ZFYVE28: variants seen among roughly 807,000 people sequenced by gnomAD.
ZFYVE28 encodes lateral signaling target protein 2 homolog.
In ZFYVE28, 40 loss-of-function variants were observed where a neutral mutation model predicts 82.1. The observed-to-expected ratio is 0.49, with a 90% CI of 0.38 to 0.63. The LOEUF is 0.63. Ranked by LOEUF, ZFYVE28 falls within the 30% of genes least tolerant of loss-of-function variation. ZFYVE28 has a pLI of 0.00. For synonymous variants in ZFYVE28, 612 were observed against 546.1 expected (o/e 1.12, Z -1.68); for missense variants, 1,321 against 1,242.1 (o/e 1.06, Z -0.96).
Position 2,391,556 on chromosome 4 carries a change from C to G in ZFYVE28, c.39+26729G>C, listed in dbSNP as rs140170577. On this transcript the variant is annotated intron_variant, in intron 1 of 12. Coordinates refer to ENST00000290974, the MANE Select transcript of ZFYVE28 (RefSeq NM_020972.3). ...TACAGCTCAGTGGCATAAGCACATT[C>G]ACACTGTTGTACCACCATCCCCACC... 8.1e-3 allele frequency among the ~76,000 whole-genome samples: 1,178 copies of G among 145,978 alleles called. 11 individuals carry two copies. The highest frequency in any genetic ancestry group is 0.028 in the African/African-American group (1,100 of 39,380).
chr4:2,318,208 T>C (rs1224156530), intron 7 of ZFYVE28, among the ~76,000 whole-genome samples: 4 of 152,154 alleles, frequency 2.6e-5, no homozygotes, highest in Non-Finnish European at 5.9e-5. Flanking sequence ...AAGGCTCCCT[T>C]CCCCAGGCTC....
At chr4:2,319,790 G>A (rs570233866) in intron 7 of ZFYVE28, among the ~76,000 whole-genome samples, 26 of 147,396 alleles carry the variant, frequency 1.8e-4, no homozygotes, top group African/African-American at 4.7e-4. Flanking sequence ...AGAAGCAAGC[G>A]CTTTGGGGAC....
chr4:2,357,747 T>C (rs1725546629), intron 1 of ZFYVE28, among the ~76,000 whole-genome samples: 1 of 152,134 alleles, frequency 6.6e-6, no homozygotes, highest in South Asian at 2.1e-4. Context: ...AGGTACTGAA[T>C]TTAGGGCACT....
chr4:2,408,637 G>C lies in ZFYVE28; in HGVS notation c.39+9648C>G, dbSNP rs1470892439. ...AGCCCCACCCAGGTAAGCCCACCTAGATGATGGCGCCCCATCCAGATAGAG... is the reference window on the plus strand; with the variant it reads ...AGCCCCACCCAGGTAAGCCCACCTACATGATGGCGCCCCATCCAGATAGAG... On this transcript the variant is annotated intron_variant, in intron 1 of 12. Coordinates refer to ENST00000290974, the MANE Select transcript of ZFYVE28 (RefSeq NM_020972.3). This position sits in a 1 kb window ranked among gnomAD's most constrained non-coding sequence, Gnocchi z 4.3. 1.3e-5 allele frequency among the ~76,000 whole-genome samples: 2 copies of C among 152,082 alleles called. No individual in the cohort carries two copies. The highest frequency in any genetic ancestry group is 2.9e-5 in the Non-Finnish European group (2 of 67,994).
At chr4:2,385,370 G>A (rs895470001) in intron 1 of ZFYVE28, among the ~76,000 whole-genome samples, 1 of 152,202 alleles carries the variant, frequency 6.6e-6, no homozygotes, top group Non-Finnish European at 1.5e-5. Flanking sequence ...CAGCCCCAGC[G>A]CTGAGAGAGC....
In ZFYVE28 at chr4:2,417,794, C is replaced by G. The variant is rs1264730635; in HGVS notation, c.39+491G>C. On this transcript the variant is annotated intron_variant, in intron 1 of 12. Transcript: ENST00000290974. The surrounding 1 kb of genome is among the most constrained non-coding windows in gnomAD (Gnocchi z 4.8). Reference sequence around the variant, plus strand: ...GAACCTGGGGAAGTGGGGAGAGGGTCTGTTCTGGAGTGCGGAGGGAGATCT... The same window carrying G: ...GAACCTGGGGAAGTGGGGAGAGGGTGTGTTCTGGAGTGCGGAGGGAGATCT... Among the ~76,000 whole-genome samples the G allele has an allele frequency of 6.6e-6, 1 of 150,902 alleles. No individual in the cohort carries two copies. The highest frequency in any genetic ancestry group is 1.5e-5 in the Non-Finnish European group (1 of 67,842).
intron 8 of ZFYVE28, among the ~76,000 whole-genome samples, chr4:2,283,115 C>CCATCCATCCAATCAT (rs1214554267): frequency 2.9e-5 from 1 of 34,150 alleles, no homozygotes; most frequent in Non-Finnish European, 5.3e-5. Flanking sequence ...CATCCATCCA[C>CCATCCATCCAATCAT]CCACCCACCC....
intron 6 of ZFYVE28, among the ~76,000 whole-genome samples, chr4:2,324,075 T>A (rs1441071983): frequency 6.6e-6 from 1 of 152,200 alleles, no homozygotes; most frequent in Non-Finnish European, 1.5e-5. Context: ...ATCAAAGTTC[T>A]CTAGAGAAAC....
At chr4:2,279,603 C>T (rs1001071023) in intron 8 of ZFYVE28, among the ~76,000 whole-genome samples, 5 of 152,030 alleles carry the variant, frequency 3.3e-5, no homozygotes, top group African/African-American at 9.7e-5. Context: ...CACGATGAAA[C>T]CCTGTCTCTA....
At chr4:2,373,420 G>C (rs556384430) in intron 1 of ZFYVE28, among the ~76,000 whole-genome samples, 9 of 152,008 alleles carry the variant, frequency 5.9e-5, no homozygotes, top group African/African-American at 2.2e-4. Context: ...GACTGCTTGA[G>C]CCCCAGAGGT....
chr4:2,387,094 G>A (rs1321100531), intron 1 of ZFYVE28, among the ~76,000 whole-genome samples: 1 of 144,526 alleles, frequency 6.9e-6, no homozygotes, highest in African/African-American at 2.7e-5. Flanking sequence ...CTCCCTGGAG[G>A]AGGGGGCTGA....
Position 2,360,379 on chromosome 4 carries a change from AGAGC to A in ZFYVE28, c.40-6310_40-6307del, listed in dbSNP as rs1373792985. On this transcript the variant is annotated intron_variant, in intron 1 of 12. Coordinates refer to ENST00000290974, the MANE Select transcript of ZFYVE28 (RefSeq NM_020972.3). ...AAAGGTGTTGACCATCTGCAAAAAG[AGAGC>A]TGTAATCACACACACACACACACAC... Among the ~76,000 whole-genome samples, 141 of 146,076 alleles carry A rather than the reference AGAGC, an allele frequency of 9.7e-4. 2 individuals are homozygous for A. The highest frequency in any genetic ancestry group is 3.5e-3 in the Middle Eastern group (1 of 286).
Position 2,362,254 on chromosome 4 carries a change from G to C in ZFYVE28, c.40-8181C>G, listed in dbSNP as rs760971419. Among the ~76,000 whole-genome samples the C allele has an allele frequency of 6.6e-6, 1 of 152,062 alleles. No homozygotes were observed. The highest frequency in any genetic ancestry group is 2.1e-4 in the South Asian group (1 of 4,824). ...GTGAGGACCAGGTGTCTGAGGCACC[G>C]CCTGGGCCTCTCCAGGGCCAGCTTT... On this transcript the variant is annotated intron_variant, in intron 1 of 12. Coordinates refer to ENST00000290974, the MANE Select transcript of ZFYVE28 (RefSeq NM_020972.3). This position sits in a 1 kb window ranked among gnomAD's most constrained non-coding sequence, Gnocchi z 5.1.
intron 1 of ZFYVE28, among the ~76,000 whole-genome samples, chr4:2,360,812 G>A (rs1020057074): frequency 3.3e-5 from 5 of 152,178 alleles, no homozygotes; most frequent in East Asian, 1.9e-4. Context: ...TGTCCAGCAC[G>A]ACGGGGCTCA....
At chr4:2,398,463 C>G (rs1027142910) in intron 1 of ZFYVE28, among the ~76,000 whole-genome samples, 1 of 152,294 alleles carries the variant, frequency 6.6e-6, no homozygotes, top group Non-Finnish European at 1.5e-5. Flanking sequence ...GAGGTCATGG[C>G]AGGTTTTCAC....
In ZFYVE28 at chr4:2,418,333, G is replaced by C; in HGVS notation, c.-10C>G. The C allele has an allele frequency of 6.6e-7, 1 of 1,507,292 alleles. No homozygotes were observed. The highest frequency in any genetic ancestry group is 8.9e-7 in the Non-Finnish European group (1 of 1,125,706). 93.4% of individuals were successfully genotyped at this position (1,507,292 alleles called of 1,614,324 possible). A position where few individuals can be genotyped will look rare whatever the true frequency, so the allele number is the denominator to read the frequency against. On this transcript the variant is annotated 5_prime_UTR_variant, in exon 1 of 13. Coordinates refer to ENST00000290974, the MANE Select transcript of ZFYVE28 (RefSeq NM_020972.3). This position sits in a 1 kb window ranked among gnomAD's most constrained non-coding sequence, Gnocchi z 4.6. ...GGAACCTGTTCATCATCGCCGCGCCGGCCCTGGCCGGACTCCGGGCGGCCC... is the reference window on the plus strand; with the variant it reads ...GGAACCTGTTCATCATCGCCGCGCCCGCCCTGGCCGGACTCCGGGCGGCCC...
rs1711583848 is a variant in ZFYVE28, at chr4:2,279,338, G to A, written c.2052-5122C>T. Among the ~76,000 whole-genome samples the A allele has an allele frequency of 2.0e-5, 3 of 152,198 alleles. 1 individual carries two copies. In the South Asian group the frequency reaches 6.2e-4, roughly 32 times the overall value. On this transcript the variant is annotated intron_variant, in intron 8 of 12. Transcript: ENST00000290974. ...TCCCAGCTACCCGGGAAGCTGAGCA[G>A]GAGAATTGCTTGAACCCAGGAGGCA...
At chr4:2,393,644 T>C (rs1470679496) in intron 1 of ZFYVE28, among the ~76,000 whole-genome samples, 1 of 152,224 alleles carries the variant, frequency 6.6e-6, no homozygotes, top group Non-Finnish European at 1.5e-5. Context: ...AAGGACATCA[T>C]GCATATGCAA....
intron 1 of ZFYVE28, among the ~76,000 whole-genome samples, chr4:2,366,569 C>T (rs538617587): frequency 7.9e-4 from 120 of 152,378 alleles, no homozygotes; most frequent in African/African-American, 2.6e-3. Context: ...GCCTTCCCCA[C>T]AGCCATCGTC....
Sources: gnomAD v4.1 joint callset for allele counts (sites outside exome capture counted in the v4.1 genomes callset) on GRCh38, gnomAD v4.1.1 for gene constraint, Gnocchi (gnomAD v3.1) non-coding constraint, MANE v1.5 for transcripts, NCBI Gene and HGNC (gene_info 2026-07-23, HGNC 2026-07-21) for gene names.